The following VIL1 variants were observed in gnomAD, a reference collection of about 807,000 sequenced individuals.
VIL1 encodes villin 1.
Under a neutral mutation model 104.0 loss-of-function variants are expected in VIL1, and 86 were observed. The observed-to-expected ratio is 0.83, with a 90% CI of 0.69 to 0.99. The LOEUF (loss-of-function observed/expected upper bound fraction) is 0.99. Ranked by LOEUF, VIL1 falls within the 50% of genes least tolerant of loss-of-function variation. The pLI, the probability that VIL1 is intolerant of heterozygous loss-of-function variation, is 0.00. For missense variants in VIL1, 944 were observed against 1,054.1 expected, an observed-to-expected ratio of 0.90 and a Z score of 1.45; for synonymous variants, 394 against 412.6, an observed-to-expected ratio of 0.95 and a Z score of 0.55.
rs897422273 is a variant in VIL1, at chr2:218,449,609, T to C, written c.*273T>C. 9.3e-6 allele frequency: 3 copies of C among 323,446 alleles called. No homozygotes were observed. The highest frequency in any genetic ancestry group is 6.0e-6 in the Non-Finnish European group (1 of 165,778). The allele number at this position is 323,446 out of a possible 1,614,324, so 20.0% of individuals were successfully genotyped here. A position where few individuals can be genotyped will look rare whatever the true frequency, so the allele number is the denominator to read the frequency against. ...GCATCAATTTTAATACTCCTATAGT[T>C]TTCTCTTCTTAGAAGAGCACAAACA... On this transcript the variant is annotated 3_prime_UTR_variant, in exon 20 of 20. Transcript: ENST00000248444.
At chr2:218,427,563 T>C (rs60864366) in intron 4 of VIL1, among the ~76,000 whole-genome samples, 7,690 of 152,192 alleles carry the variant, frequency 0.051, 566 homozygotes, top group African/African-American at 0.17. Context: ...TGACCTCAAA[T>C]GATCTGCCCA....
At chr2:218,424,004 C>G (rs983107319) in intron 2 of VIL1, 151 bp downstream of exon 2, 6 of 847,300 alleles carry the variant, frequency 7.1e-6, no homozygotes, top group Non-Finnish European at 1.1e-5. Flanking sequence ...TCATCCACAC[C>G]CCGGCTGGTC....
intron 17 of VIL1, among the ~76,000 whole-genome samples, chr2:218,437,838 G>C (rs961527950): frequency 6.6e-6 from 1 of 152,166 alleles, no homozygotes; most frequent in Non-Finnish European, 1.5e-5. Flanking sequence ...CCCACGGGGT[G>C]TTTCCTAAAC....
At position 218,450,106 on chromosome 2, in the gene VIL1, G is replaced by A. The variant is rs759344660; in HGVS notation, c.*770G>A. The stretch of plus-strand genomic sequence containing the variant: ...GGGGACTACGGCCAGACACTGGTTT[G>A]CCATTCTGTTCCTTTTAAGAAGTAA... On this transcript the variant is annotated 3_prime_UTR_variant, in exon 20 of 20. Transcript: ENST00000248444. 5 of 152,176 alleles carry A rather than the reference G, an allele frequency of 3.3e-5. No homozygotes were observed. The highest frequency in any genetic ancestry group is 7.3e-5 in the Non-Finnish European group (5 of 68,046). 9.4% of individuals were successfully genotyped at this position (152,176 alleles called of 1,614,324 possible).
At position 218,424,367 on chromosome 2, in the gene VIL1, G is replaced by T; in HGVS notation, c.150+16G>T. Reference sequence around the variant, plus strand: ...CATCCTGGCTGTGAGTCAGGGGCAGGGGAGGGGGCTGAGCAGAGAGCAAAA... The same window carrying T: ...CATCCTGGCTGTGAGTCAGGGGCAGTGGAGGGGGCTGAGCAGAGAGCAAAA... On this transcript the variant is annotated intron_variant, in intron 3 of 19. Transcript: ENST00000248444. 2 of 1,613,204 alleles carry T rather than the reference G, an allele frequency of 1.2e-6. No homozygotes were observed. The highest frequency in any genetic ancestry group is 1.1e-5 in the South Asian group (1 of 91,078).
chr2:218,438,535 C>A, intron 17 of VIL1, 123 bp from the exon 18 acceptor site: 1 of 881,694 alleles, frequency 1.1e-6, no homozygotes, highest in Non-Finnish European at 1.8e-6. Flanking sequence ...GCCTTCATAT[C>A]CTCTTTCCTT....
At position 218,431,919 on chromosome 2, in the gene VIL1, C is replaced by A. The variant is rs772528937; in HGVS notation, c.1165C>A (p.Gln389Lys). 1.1e-5 allele frequency: 18 copies of A among 1,613,680 alleles called. No homozygotes were observed. The East Asian group carries it at 4.0e-4, about 36-fold the overall frequency. ...SMHVKPQVAA[Q>K]QKMVDDGSGE... ...GCATGTCAAGCCTCAGGTGGCTGCC[C>A]AGCAGAAGATGGTAGATGATGGGAG... The change falls in exon 11 of 20, where the codon CAG becomes AAG. Residue 389 changes from glutamine (Q) to lysine (K), a missense_variant. Physicochemically the swap from Gln to Lys is moderately conservative, Grantham distance 53 (BLOSUM62 1). Coordinates refer to ENST00000248444, the MANE Select transcript of VIL1 (RefSeq NM_007127.3).
intron 19 of VIL1, among the ~76,000 whole-genome samples, chr2:218,444,831 G>A (rs1405797765): frequency 6.6e-6 from 1 of 152,176 alleles, no homozygotes; most frequent in Non-Finnish European, 1.5e-5. Context: ...GTAATCAGCT[G>A]GCAGGACTGC....
Position 218,437,154 on chromosome 2 carries a change from G to A in VIL1, c.2002G>A (p.Glu668Lys), listed in dbSNP as rs1344522901. Residue 668 changes from glutamate (E) to lysine (K), a missense_variant, in exon 17 of 20, where the codon GAG becomes AAG. By Grantham distance (56) the Glu-to-Lys change is moderately conservative (BLOSUM62 1). Coordinates refer to ENST00000248444, the MANE Select transcript of VIL1 (RefSeq NM_007127.3). ...VFFWIGKHAN[E>K]EEKKAAATTA... The stretch of plus-strand genomic sequence containing the variant: ...CTTCTGGATTGGGAAACATGCCAAC[G>A]AGGAGGAGAAGAAGGCCGCAGCAAC... 9 of 1,614,110 alleles carry A rather than the reference G, an allele frequency of 5.6e-6. No individual in the cohort carries two copies. Among genetic ancestry groups the A allele is most frequent in the South Asian group, 4.4e-5 (4 of 91,072 alleles).
intron 9 of VIL1, 43 bp from the exon 10 acceptor site, chr2:218,430,682 C>T: frequency 1.9e-6 from 3 of 1,544,932 alleles, no homozygotes; most frequent in Non-Finnish European, 2.6e-6. Flanking sequence ...GGAGTGGGGA[C>T]TAGGGGAGGT....
In VIL1 at chr2:218,425,685, A is replaced by G; in HGVS notation, c.221A>G (p.Glu74Gly). 1 of 1,614,192 alleles carries G rather than the reference A, an allele frequency of 6.2e-7. No homozygotes were observed. Among genetic ancestry groups the G allele is most frequent in the Non-Finnish European group, 8.5e-7 (1 of 1,180,034 alleles). The change falls in exon 4 of 20, where the codon GAG (glutamate) becomes GGG (glycine). Residue 74 changes from glutamate (E) to glycine (G), a missense_variant. Physicochemically the swap from Glu to Gly is moderately conservative, Grantham distance 98. Transcript: ENST00000248444. ...ATTGGCCAGGACTCATCCCTGGATG[A>G]GCAGGGGGCAGCTGCCATCTACACC... ...YWIGQDSSLD[E>G]QGAAAIYTTQ...
intron 2 of VIL1, among the ~76,000 whole-genome samples, 156 bp from the exon 3 acceptor site, chr2:218,424,121 G>T (rs530791762): frequency 6.7e-6 from 1 of 149,304 alleles, no homozygotes; most frequent in Non-Finnish European, 1.5e-5. Context: ...TCCTTCTCCC[G>T]CCCCTCACAG....
intron 14 of VIL1, among the ~76,000 whole-genome samples, chr2:218,434,925 G>A (rs1689162387): frequency 6.6e-6 from 1 of 152,156 alleles, no homozygotes; most frequent in Non-Finnish European, 1.5e-5. Context: ...CTCTCTGTCG[G>A]AGTCAGTCTC....
chr2:218,432,675 A>C (rs772182432), intron 12 of VIL1, 118 bp from the exon 13 acceptor site: 1 of 1,332,868 alleles, frequency 7.5e-7, no homozygotes, highest in Non-Finnish European at 1.0e-6. Flanking sequence ...TTTGGTGGGG[A>C]AGACAATTGG....
At chr2:218,423,701 T>C (rs1688931151) in intron 1 of VIL1, 67 bp from the exon 2 acceptor site, 3 of 1,535,090 alleles carry the variant, frequency 2.0e-6, no homozygotes, top group South Asian at 2.3e-5. Context: ...GGGAGTTCTC[T>C]AGGGGCAGGC....
At chr2:218,430,939 C>T in intron 10 of VIL1, 61 bp downstream of exon 10, 1 of 1,565,620 alleles carries the variant, frequency 6.4e-7, no homozygotes, top group Non-Finnish European at 8.7e-7. Context: ...AGGAGAGCCA[C>T]TTGGTCCACC....
chr2:218,429,786 G>A (rs1689064947), intron 8 of VIL1, 63 bp from the exon 9 acceptor site: 1 of 1,589,468 alleles, frequency 6.3e-7, no homozygotes. Flanking sequence ...ACTTTTTTGT[G>A]TGTGAGGCTT....
intron 6 of VIL1, among the ~76,000 whole-genome samples, chr2:218,428,974 C>G (rs1012912418): frequency 1.3e-5 from 2 of 152,184 alleles, no homozygotes; most frequent in Non-Finnish European, 2.9e-5. Flanking sequence ...GTACTGTGAT[C>G]CTTGGGGCTC....
intron 19 of VIL1, among the ~76,000 whole-genome samples, chr2:218,442,826 C>T (rs1024501517): frequency 3.9e-5 from 6 of 152,086 alleles, no homozygotes; most frequent in African/African-American, 9.7e-5. Context: ...TTAAGGGTTT[C>T]GGCTCAATAT....
Sources: gnomAD v4.1 joint callset for allele counts (sites outside exome capture counted in the v4.1 genomes callset) on GRCh38, gnomAD v4.1.1 for gene constraint, MANE v1.5 for transcripts, NCBI Gene and HGNC (gene_info 2026-07-23, HGNC 2026-07-21) for gene names.